The following ADGRB3 variants were observed in gnomAD, a reference collection of about 807,000 sequenced individuals.
ADGRB3 encodes brain-specific angiogenesis inhibitor 3.
A neutral mutation model predicts 193.4 loss-of-function variants in ADGRB3; 37 were observed. The ratio of observed to expected loss-of-function variants is 0.19; its 90% CI spans 0.15 to 0.25. The LOEUF is 0.25. Ranked by LOEUF, ADGRB3 falls within the 10% of genes least tolerant of loss-of-function variation. ADGRB3 has a pLI of 1.00. For synonymous variants in ADGRB3, 690 were observed against 644.2 expected (o/e 1.07, Z -1.08); for missense variants, 1,637 against 1,852.9 (o/e 0.88, Z 2.14).
chr6:68,903,250 A>T (rs1766447405), intron 3 of ADGRB3, among the ~76,000 whole-genome samples: 1 of 152,216 alleles, frequency 6.6e-6, no homozygotes, highest in East Asian at 1.9e-4. Flanking sequence ...ATATAAAATT[A>T]TGAATAGGAG....
At chr6:69,333,924 T>C (rs149235412) in intron 24 of ADGRB3, among the ~76,000 whole-genome samples, 28,488 of 139,462 alleles carry the variant, frequency 0.2, 3,198 homozygotes, top group Middle Eastern at 0.34. Context: ...AGCGAGACTC[T>C]GTCTCAAAAA....
At chr6:68,641,141 G>A (rs1387011708) in intron 3 of ADGRB3, among the ~76,000 whole-genome samples, 1 of 152,172 alleles carries the variant, frequency 6.6e-6, no homozygotes, top group Non-Finnish European at 1.5e-5. Flanking sequence ...TTGTTTTACT[G>A]TTGTTTTAAT....
chr6:69,080,230 C>G (rs1301221854), intron 17 of ADGRB3, among the ~76,000 whole-genome samples: 1 of 151,968 alleles, frequency 6.6e-6, no homozygotes, highest in Non-Finnish European at 1.5e-5. Flanking sequence ...ACATCATTTT[C>G]TTTGCTCTGT....
At chr6:68,730,989 A>G (rs1483849265) in intron 3 of ADGRB3, among the ~76,000 whole-genome samples, 1 of 151,654 alleles carries the variant, frequency 6.6e-6, no homozygotes, top group Admixed American at 6.6e-5. Context: ...TCAGAAAGTG[A>G]AAGAAAGCTT....
At chr6:68,815,603 T>TTGTG (rs5877170) in intron 3 of ADGRB3, among the ~76,000 whole-genome samples, 7,847 of 137,182 alleles carry the variant, frequency 0.057, 329 homozygotes, top group Admixed American at 0.14. Flanking sequence ...CCATCAAAAA[T>TTGTG]TGTGTGTGTG....
intron 17 of ADGRB3, among the ~76,000 whole-genome samples, chr6:69,182,049 CT>C (rs1775598651): frequency 6.6e-6 from 1 of 152,064 alleles, no homozygotes; most frequent in African/African-American, 2.4e-5. Flanking sequence ...AACCTCAGGA[CT>C]TTTGACTTGG....
intron 3 of ADGRB3, among the ~76,000 whole-genome samples, chr6:68,855,071 C>A (rs192268609): frequency 1.3e-4 from 20 of 152,328 alleles, no homozygotes; most frequent in African/African-American, 4.8e-4. Flanking sequence ...TCCAAACTGA[C>A]TTGAAAAGAG....
chr6:68,722,031 C>T (rs72899212), intron 3 of ADGRB3, among the ~76,000 whole-genome samples: 2 of 151,508 alleles, frequency 1.3e-5, no homozygotes, highest in Non-Finnish European at 3.0e-5. Context: ...GTTGTGTCTA[C>T]ATTATTCATG....
intron 3 of ADGRB3, among the ~76,000 whole-genome samples, chr6:68,923,055 G>A (rs1028829259): frequency 1.3e-5 from 2 of 152,052 alleles, no homozygotes; most frequent in African/African-American, 4.8e-5. Context: ...AGTTATTTTA[G>A]AAATTATAAA....
At chr6:69,081,833 A>C (rs914603730) in intron 17 of ADGRB3, among the ~76,000 whole-genome samples, 6 of 152,096 alleles carry the variant, frequency 3.9e-5, no homozygotes, top group Admixed American at 3.3e-4. Flanking sequence ...TGCTTCTAAT[A>C]TTATTAGCAA....
intron 17 of ADGRB3, among the ~76,000 whole-genome samples, chr6:69,106,164 T>TTAAAAAAAAAAA (rs752763040): frequency 1.1e-5 from 1 of 91,090 alleles, no homozygotes. Context: ...GAGACTGCGT[T>TTAAAAAAAAAAA]AAAAAAAAAA....
At chr6:69,215,664 GA>G (rs150167399) in intron 17 of ADGRB3, among the ~76,000 whole-genome samples, 349 of 152,018 alleles carry the variant, frequency 2.3e-3, no homozygotes, top group African/African-American at 7.9e-3. Flanking sequence ...TCTCATTAGA[GA>G]CATTTCAAAG....
chr6:69,143,539 A>G (rs1774397618), intron 17 of ADGRB3, among the ~76,000 whole-genome samples: 1 of 152,132 alleles, frequency 6.6e-6, no homozygotes, highest in Non-Finnish European at 1.5e-5. Context: ...ACTTTCATTC[A>G]TTTTGATTTG....
chr6:69,114,139 A>G (rs1159782255), intron 17 of ADGRB3, among the ~76,000 whole-genome samples: 2 of 152,160 alleles, frequency 1.3e-5, no homozygotes, highest in Admixed American at 6.5e-5. Context: ...TATCCCAGAC[A>G]TGTCCTAAGT....
chr6:68,932,556 A>C (rs539473181), intron 4 of ADGRB3, among the ~76,000 whole-genome samples: 1 of 152,168 alleles, frequency 6.6e-6, no homozygotes, highest in South Asian at 2.1e-4. Context: ...AGACAATTAT[A>C]ATGTGAAAAA....
At chr6:68,880,106 A>G (rs1234682698) in intron 3 of ADGRB3, among the ~76,000 whole-genome samples, 3 of 152,158 alleles carry the variant, frequency 2.0e-5, no homozygotes, top group Non-Finnish European at 4.4e-5. Flanking sequence ...AAGTGGAGAG[A>G]TTACTGAATC....
intron 20 of ADGRB3, among the ~76,000 whole-genome samples, chr6:69,257,053 C>T (rs1243196835): frequency 1.3e-5 from 2 of 152,062 alleles, no homozygotes; most frequent in East Asian, 3.9e-4. Context: ...GGGATGAAGC[C>T]CACTTGATCA....
At chr6:68,775,145 T>TTAAAAAAAA (rs1554191997) in intron 3 of ADGRB3, among the ~76,000 whole-genome samples, 1 of 115,668 alleles carries the variant, frequency 8.6e-6, no homozygotes, top group East Asian at 2.7e-4. Flanking sequence ...AGCTGCTTGT[T>TTAAAAAAAA]AAAAAAAAAA....
At chr6:69,380,172 T>G (rs941131475) in intron 30 of ADGRB3, among the ~76,000 whole-genome samples, 2 of 152,004 alleles carry the variant, frequency 1.3e-5, no homozygotes, top group Non-Finnish European at 2.9e-5. Flanking sequence ...TGATGCTTGG[T>G]TTGCTTCTTA....
Sources: gnomAD v4.1 joint callset for allele counts (sites outside exome capture counted in the v4.1 genomes callset) on GRCh38, gnomAD v4.1.1 for gene constraint, MANE v1.5 for transcripts, NCBI Gene and HGNC (gene_info 2026-07-23, HGNC 2026-07-21) for gene names.